The following ENTREP2 variants were observed in gnomAD, a reference collection of about 807,000 sequenced individuals.
ENTREP2 encodes protein ENTREP2.
chr15:29,496,795 GT>G, the ENTREP2 span, among the ~76,000 whole-genome samples: 103 of 152,178 alleles, frequency 6.8e-4, no homozygotes, highest in Middle Eastern at 3.4e-3. Context: ...ATTGAATTCA[GT>G]TTTCTAGTAT....
At chr15:29,451,611 C>T in the ENTREP2 span, among the ~76,000 whole-genome samples, 2 of 152,224 alleles carry the variant, frequency 1.3e-5, no homozygotes, top group African/African-American at 4.8e-5. Context: ...GGTTCAAGAA[C>T]AGCCCAGCAG....
the ENTREP2 span, among the ~76,000 whole-genome samples, chr15:29,667,416 C>T: frequency 0.071 from 10,761 of 150,706 alleles, 532 homozygotes; most frequent in African/African-American, 0.13. Flanking sequence ...TCTCAATCTC[C>T]TGACCTCATG....
At chr15:29,309,241 T>C in the ENTREP2 span, among the ~76,000 whole-genome samples, 1 of 152,204 alleles carries the variant, frequency 6.6e-6, no homozygotes, top group Non-Finnish European at 1.5e-5. Flanking sequence ...ATAGTGATAA[T>C]GATAGCTATC....
the ENTREP2 span, among the ~76,000 whole-genome samples, chr15:29,615,662 G>A: frequency 6.6e-6 from 1 of 152,078 alleles, no homozygotes; most frequent in East Asian, 1.9e-4. Context: ...GAGGGGATGG[G>A]GCAACATCTC....
chr15:29,276,050 T>G, the ENTREP2 span, among the ~76,000 whole-genome samples: 8 of 152,236 alleles, frequency 5.3e-5, no homozygotes, highest in Non-Finnish European at 8.8e-5. Flanking sequence ...TATTCATTCA[T>G]AGCAAAGATC....
the ENTREP2 span, among the ~76,000 whole-genome samples, chr15:29,180,221 T>A: frequency 6.6e-6 from 1 of 152,102 alleles, no homozygotes; most frequent in African/African-American, 2.4e-5. Flanking sequence ...ATATATACAT[T>A]TACCTGTCCT....
At chr15:29,159,243 G>C in the ENTREP2 span, among the ~76,000 whole-genome samples, 5,806 of 152,072 alleles carry the variant, frequency 0.038, 348 homozygotes, top group African/African-American at 0.13. Context: ...CGCGGTGAGT[G>C]TTACAGCTCT....
the ENTREP2 span, among the ~76,000 whole-genome samples, chr15:29,231,913 C>T: frequency 1.7e-4 from 12 of 68,780 alleles, no homozygotes; most frequent in African/African-American, 3.3e-4. Context: ...TTTTTTGAGA[C>T]GGAGTCTCAC....
chr15:29,208,552 ATCAGATTCC>A, the ENTREP2 span, among the ~76,000 whole-genome samples: 2 of 152,324 alleles, frequency 1.3e-5, no homozygotes, highest in East Asian at 3.9e-4. Context: ...CACCACAGAT[ATCAGATTCC>A]TCAGTAAACA....
chr15:29,389,602 C>T, the ENTREP2 span, among the ~76,000 whole-genome samples: 1 of 152,246 alleles, frequency 6.6e-6, no homozygotes, highest in Admixed American at 6.5e-5. Context: ...TTTGGAAACA[C>T]TGTGATGCTC....
At chr15:29,329,054 A>T in the ENTREP2 span, among the ~76,000 whole-genome samples, 1 of 152,266 alleles carries the variant, frequency 6.6e-6, no homozygotes, top group Admixed American at 6.5e-5. Context: ...ATTAACAATG[A>T]TCCCTAATAA....
At chr15:29,674,056 G>A in the ENTREP2 span, among the ~76,000 whole-genome samples, 2 of 145,090 alleles carry the variant, frequency 1.4e-5, no homozygotes, top group Non-Finnish European at 3.0e-5. Flanking sequence ...GGGTGACTGA[G>A]GAAATGTGTC....
the ENTREP2 span, among the ~76,000 whole-genome samples, chr15:29,673,158 T>A: frequency 2.0e-5 from 3 of 152,122 alleles, no homozygotes; most frequent in African/African-American, 7.2e-5. Flanking sequence ...AATTAGAGTA[T>A]AATAAGCAGT....
At chr15:29,444,700 T>C in the ENTREP2 span, among the ~76,000 whole-genome samples, 5 of 152,044 alleles carry the variant, frequency 3.3e-5, no homozygotes, top group African/African-American at 1.2e-4. Flanking sequence ...CTCCTGACCT[T>C]GTGATCCGCC....
chr15:29,535,786 G>A, the ENTREP2 span, among the ~76,000 whole-genome samples: 1 of 152,146 alleles, frequency 6.6e-6, no homozygotes, highest in South Asian at 2.1e-4. Context: ...GGCCAGGCTG[G>A]AGTGCAGTGG....
chr15:29,407,826 C>T, the ENTREP2 span, among the ~76,000 whole-genome samples: 1 of 150,464 alleles, frequency 6.6e-6, no homozygotes, highest in South Asian at 2.1e-4. Flanking sequence ...CCAGCACACC[C>T]CACTAATTTT....
chr15:29,487,274 C>G, the ENTREP2 span, among the ~76,000 whole-genome samples: 1 of 152,122 alleles, frequency 6.6e-6, no homozygotes, highest in African/African-American at 2.4e-5. Flanking sequence ...AACGCATGCT[C>G]AGAAGAAGCC....
At chr15:29,214,526 C>T in the ENTREP2 span, among the ~76,000 whole-genome samples, 7 of 151,934 alleles carry the variant, frequency 4.6e-5, no homozygotes, top group African/African-American at 1.7e-4. Flanking sequence ...TATCACACAC[C>T]AGGGCCTGTT....
the ENTREP2 span, among the ~76,000 whole-genome samples, chr15:29,653,144 C>CACAAA: frequency 5.9e-5 from 9 of 152,218 alleles, no homozygotes; most frequent in South Asian, 4.1e-4. Flanking sequence ...TGCACCTTAA[C>CACAAA]ACAAAACAAA....
Sources: gnomAD v4.1 joint callset for allele counts (sites outside exome capture counted in the v4.1 genomes callset) on GRCh38, gnomAD v4.1.1 for gene constraint, MANE v1.5 for transcripts, NCBI Gene and HGNC (gene_info 2026-07-23, HGNC 2026-07-21) for gene names.